The following ME3 variants were observed in gnomAD, a reference collection of about 807,000 sequenced individuals.
ME3 encodes the protein NADP-dependent malic enzyme, mitochondrial.
A neutral mutation model predicts 68.9 loss-of-function variants in ME3; 48 were observed. That is an observed-to-expected ratio of 0.70 (90% CI 0.55 to 0.89). The LOEUF (loss-of-function observed/expected upper bound fraction) is 0.89, where lower values mean the gene tolerates loss of function less well. Among genes scored for constraint, ME3 ranks in the 40% least tolerant of loss-of-function variants. The pLI, the probability that ME3 is intolerant of heterozygous loss-of-function variation, is 0.00. For missense variants in ME3, 675 were observed against 797.4 expected (o/e 0.85, Z 1.85); for synonymous variants, 320 against 318.8 (o/e 1.00, Z -0.04).
chr11:86,530,342 T>TA, intron 4 of ME3, among the ~76,000 whole-genome samples: 1 of 151,912 alleles, frequency 6.6e-6, no homozygotes, highest in East Asian at 1.9e-4. Flanking sequence ...CTCAATGAAA[T>TA]AAAAGAGGAT....
At chr11:86,499,101 G>A (rs1952552779) in intron 5 of ME3, among the ~76,000 whole-genome samples, 2 of 152,200 alleles carry the variant, frequency 1.3e-5, no homozygotes, top group Admixed American at 6.5e-5. Flanking sequence ...GGACACACAT[G>A]CCCTACCTTG....
chr11:86,546,468 A>G (rs1956364841), intron 4 of ME3, among the ~76,000 whole-genome samples: 1 of 152,252 alleles, frequency 6.6e-6, no homozygotes. Flanking sequence ...CAAATTTACA[A>G]GAAATAAACA....
intron 2 of ME3, among the ~76,000 whole-genome samples, chr11:86,568,301 C>T (rs1346421336): frequency 2.0e-5 from 3 of 152,198 alleles, no homozygotes; most frequent in Non-Finnish European, 2.9e-5. Context: ...GCTCTGGATT[C>T]TCCCAGGGAA....
At chr11:86,460,050 G>C (rs1950154501) in intron 8 of ME3, among the ~76,000 whole-genome samples, 2 of 152,202 alleles carry the variant, frequency 1.3e-5, no homozygotes, top group African/African-American at 4.8e-5. Context: ...TGTCCCCAGT[G>C]TGACCATTCC....
chr11:86,474,804 G>A (rs552526239), intron 7 of ME3, among the ~76,000 whole-genome samples: 9 of 152,294 alleles, frequency 5.9e-5, no homozygotes, highest in Admixed American at 3.3e-4. Flanking sequence ...CTTGATCAAC[G>A]CTGCAGGCAA....
intron 2 of ME3, among the ~76,000 whole-genome samples, chr11:86,618,432 G>T (rs182656551): frequency 2.0e-5 from 3 of 151,014 alleles, no homozygotes; most frequent in African/African-American, 7.3e-5. Context: ...GCTAATACAA[G>T]GATTAAATGA....
intron 7 of ME3, among the ~76,000 whole-genome samples, chr11:86,482,102 C>T (rs1056785886): frequency 2.8e-4 from 42 of 152,286 alleles, no homozygotes; most frequent in African/African-American, 9.9e-4. Flanking sequence ...GTCATATTCT[C>T]TTCTCTTTGG....
intron 4 of ME3, among the ~76,000 whole-genome samples, chr11:86,544,063 A>C (rs140991379): frequency 0.049 from 6,584 of 135,378 alleles, 256 homozygotes; most frequent in Middle Eastern, 0.065. Context: ...CTACTGGGTA[A>C]ATAATGAAAT....
chr11:86,493,226 T>C (rs1952106573), intron 6 of ME3, among the ~76,000 whole-genome samples: 1 of 152,240 alleles, frequency 6.6e-6, no homozygotes, highest in Non-Finnish European at 1.5e-5. Flanking sequence ...TACCAGGCTC[T>C]GCTAATGATC....
chr11:86,523,685 G>C (rs1954502911), intron 4 of ME3, among the ~76,000 whole-genome samples: 1 of 152,064 alleles, frequency 6.6e-6, no homozygotes, highest in Admixed American at 6.5e-5. Context: ...GCAAATAGCT[G>C]AAGAAGTATA....
rs529349587 is a variant in ME3, at chr11:86,544,122, A to C, written c.467+12431T>G. Among the ~76,000 whole-genome samples, 5 of 152,346 alleles carry C rather than the reference A, an allele frequency of 3.3e-5. No individual in the cohort carries two copies. In the South Asian group the frequency reaches 8.3e-4, roughly 25 times the overall value. On this transcript the variant is annotated intron_variant, in intron 4 of 14. Transcript: ENST00000543262. ...TTGAAATCAATGAGAACAAAGACAC[A>C]ACGTACCAGAATCTCTGGGACACAG...
intron 2 of ME3, among the ~76,000 whole-genome samples, chr11:86,649,641 A>T (rs1054199567): frequency 1.3e-5 from 2 of 152,254 alleles, no homozygotes; most frequent in Admixed American, 1.3e-4. Context: ...TCAATGTGCA[A>T]AAATCACAAG....
At chr11:86,559,482 C>G (rs1357964010) in intron 3 of ME3, among the ~76,000 whole-genome samples, 1 of 152,188 alleles carries the variant, frequency 6.6e-6, no homozygotes, top group Non-Finnish European at 1.5e-5. Flanking sequence ...CCCATTTCCC[C>G]CAGGACATGT....
chr11:86,503,327 G>A (rs1313205026), intron 5 of ME3, among the ~76,000 whole-genome samples: 1 of 152,212 alleles, frequency 6.6e-6, no homozygotes, highest in Non-Finnish European at 1.5e-5. Context: ...TTTCCCAGCT[G>A]TATCCTCAGA....
intron 2 of ME3, among the ~76,000 whole-genome samples, chr11:86,596,978 T>C (rs1334773774): frequency 1.3e-5 from 2 of 152,204 alleles, no homozygotes; most frequent in Admixed American, 6.5e-5. Context: ...GGGAAGCCTC[T>C]GACAACAGGC....
At chr11:86,546,160 T>G (rs1413789388) in intron 4 of ME3, among the ~76,000 whole-genome samples, 1 of 152,014 alleles carries the variant, frequency 6.6e-6, no homozygotes, top group Non-Finnish European at 1.5e-5. Context: ...ATACAAAAAT[T>G]TACTCAAGAT....
chr11:86,663,972 C>T (rs1279001679), intron 2 of ME3, among the ~76,000 whole-genome samples: 2 of 152,216 alleles, frequency 1.3e-5, no homozygotes, highest in Non-Finnish European at 2.9e-5. Flanking sequence ...CTGTTTACAA[C>T]TGCTTTTAGA....
intron 2 of ME3, among the ~76,000 whole-genome samples, chr11:86,601,494 A>T (rs1324118415): frequency 2.0e-5 from 3 of 152,162 alleles, no homozygotes; most frequent in Non-Finnish European, 4.4e-5. Flanking sequence ...CCAGGACCAG[A>T]TGGATTCACA....
At chr11:86,646,147 C>T (rs942712532) in intron 2 of ME3, among the ~76,000 whole-genome samples, 1 of 152,180 alleles carries the variant, frequency 6.6e-6, no homozygotes, top group Non-Finnish European at 1.5e-5. Context: ...GCTTCTTCTC[C>T]TCAAAAAGAT....
Sources: gnomAD v4.1 joint callset for allele counts (sites outside exome capture counted in the v4.1 genomes callset) on GRCh38, gnomAD v4.1.1 for gene constraint, MANE v1.5 for transcripts, NCBI Gene and HGNC (gene_info 2026-07-23, HGNC 2026-07-21) for gene names.